Variants in RAD50 observed in about 807,000 individuals in gnomAD.
RAD50 encodes DNA repair protein RAD50.
RAD50 carries 132 observed loss-of-function variants against 168.8 expected under a neutral mutation model. The observed-to-expected ratio is 0.78, with a 90% CI of 0.68 to 0.90. The LOEUF (loss-of-function observed/expected upper bound fraction) is 0.90. RAD50 is among the 40% of genes least tolerant of loss of function. The pLI is 0.00. For synonymous variants in RAD50, 525 were observed against 497.4 expected (o/e 1.06, Z -0.74); for missense variants, 1,347 against 1,534.4 (o/e 0.88, Z 2.04).
In RAD50 at chr5:132,642,421, G is replaced by C; in HGVS notation, c.*57G>C. On this transcript the variant is annotated 3_prime_UTR_variant, in exon 25 of 25. Coordinates refer to ENST00000378823, the MANE Select transcript of RAD50 (RefSeq NM_005732.4). ...TAGGTCCTCAGAAAGTGTATAATAA[G>C]AAACTTATTTCTCATATCAACTTAG... The C allele has an allele frequency of 6.9e-7, 1 of 1,450,744 alleles. No individual in the cohort carries two copies. The highest frequency in any genetic ancestry group is 9.6e-7 in the Non-Finnish European group (1 of 1,043,132). The allele number at this position is 1,450,744 out of a possible 1,614,324, so 89.9% of individuals were successfully genotyped here.
intron 1 of RAD50, among the ~76,000 whole-genome samples, chr5:132,558,570 G>T (rs1750056292): frequency 6.6e-6 from 1 of 152,010 alleles, no homozygotes; most frequent in Admixed American, 6.6e-5. Context: ...AATTAGCCAG[G>T]CGTGGTGGCG....
intron 3 of RAD50, among the ~76,000 whole-genome samples, chr5:132,577,149 C>A (rs950993394): frequency 6.6e-6 from 1 of 152,102 alleles, no homozygotes; most frequent in African/African-American, 2.4e-5. Context: ...GAATATGTTT[C>A]CTTGTTCTTT....
intron 21 of RAD50, among the ~76,000 whole-genome samples, chr5:132,625,793 C>G (rs1751363537): frequency 6.6e-6 from 1 of 152,194 alleles, no homozygotes; most frequent in South Asian, 2.1e-4. Flanking sequence ...CTTTCTGTGC[C>G]TGGCTTATTT....
chr5:132,568,609 G>A (rs967370634), intron 2 of RAD50, among the ~76,000 whole-genome samples: 1 of 152,190 alleles, frequency 6.6e-6, no homozygotes, highest in African/African-American at 2.4e-5. Context: ...AACACATCAT[G>A]CAGAGGGAAA....
chr5:132,562,448 A>G (rs775776518), intron 2 of RAD50, among the ~76,000 whole-genome samples: 2 of 152,184 alleles, frequency 1.3e-5, no homozygotes, highest in Non-Finnish European at 2.9e-5. Context: ...TTGAAGATAG[A>G]ACCAACAAAT....
At position 132,640,720 on chromosome 5, in the gene RAD50, C is replaced by T. The variant is rs1751699912; in HGVS notation, c.3667C>T (p.Leu1223Phe). 1.2e-6 allele frequency: 2 copies of T among 1,614,178 alleles called. No homozygotes were observed. Among genetic ancestry groups the T allele is most frequent in the Non-Finnish European group, 1.7e-6 (2 of 1,180,024 alleles). ...IRLALAETFC[L>F]NCGIIALDEP... is the part of the protein sequence containing the mutation. Reference sequence around the variant, plus strand: ...CCTGGCCCTGGCTGAAACGTTCTGCCTCAACTGTGGCATCATTGCCTTGGA... The same window carrying T: ...CCTGGCCCTGGCTGAAACGTTCTGCTTCAACTGTGGCATCATTGCCTTGGA... The change falls in exon 24 of 25, where the codon CTC becomes TTC. Residue 1223 changes from leucine to phenylalanine, a missense_variant. Physicochemically the swap from Leu to Phe is conservative, Grantham distance 22. Around this residue, in one of 3 missense-constraint regions of RAD50, gnomAD observed 635 missense variants for 739.2 expected, o/e 0.86. Coordinates refer to ENST00000378823, the MANE Select transcript of RAD50 (RefSeq NM_005732.4).
intron 21 of RAD50, among the ~76,000 whole-genome samples, chr5:132,621,420 C>A (rs1751281764): frequency 6.6e-6 from 1 of 152,192 alleles, no homozygotes; most frequent in Non-Finnish European, 1.5e-5. Flanking sequence ...TTTAAATCAT[C>A]ACAAATGAGT....
intron 13 of RAD50, among the ~76,000 whole-genome samples, chr5:132,601,518 A>G (rs910992753): frequency 2.0e-5 from 3 of 152,226 alleles, no homozygotes; most frequent in African/African-American, 4.8e-5. Flanking sequence ...TATTGGGCAC[A>G]TAATTTAAGG....
At chr5:132,601,175 T>C (rs1489015845) in intron 13 of RAD50, among the ~76,000 whole-genome samples, 1 of 152,144 alleles carries the variant, frequency 6.6e-6, no homozygotes, top group Non-Finnish European at 1.5e-5. Context: ...TTTTTGTATT[T>C]TTAGTAGAGA....
chr5:132,589,955 C>A lies in RAD50; in HGVS notation c.1452+118C>A. The A allele has an allele frequency of 3.1e-6, 3 of 969,884 alleles. No individual in the cohort carries two copies. In the East Asian group the frequency reaches 8.0e-5, roughly 26 times the overall value. 60.1% of individuals were successfully genotyped at this position (969,884 alleles called of 1,614,324 possible). A position where few individuals can be genotyped will look rare whatever the true frequency, so the allele number is the denominator to read the frequency against. ...ATAAAAACATCAACTTTGTCTTATT[C>A]TCATGTAAAATGAATTCATCTGAAT... On this transcript the variant is annotated intron_variant, in intron 9 of 24. Coordinates refer to ENST00000378823, the MANE Select transcript of RAD50 (RefSeq NM_005732.4).
intron 19 of RAD50, 69 bp downstream of exon 19, chr5:132,609,465 G>A: frequency 6.3e-7 from 1 of 1,580,150 alleles, no homozygotes; most frequent in East Asian, 2.3e-5. Flanking sequence ...ATTTTCAATA[G>A]AAGATCCATT....
At chr5:132,642,147 C>T (rs1417548179) in intron 24 of RAD50, 31 bp from the exon 25 acceptor site, 1 of 1,601,246 alleles carries the variant, frequency 6.2e-7, no homozygotes, top group African/African-American at 1.3e-5. Flanking sequence ...ATGCTCTTTA[C>T]TAATAATATG....
rs760768068 is a variant in RAD50 at position 132,609,224 on chromosome 5, A to C, written c.2922+15A>C. 3 of 1,607,278 alleles carry C rather than the reference A, an allele frequency of 1.9e-6. No individual in the cohort carries two copies. The highest frequency in any genetic ancestry group is 2.5e-6 in the Non-Finnish European group (3 of 1,176,494). ...ACTATAAGAAGGTAATTTAAAACTT[A>C]AAATTATTTATTTGATTGTATTTTT... On this transcript the variant is annotated intron_variant, in intron 18 of 24. Transcript: ENST00000378823.
intron 21 of RAD50, among the ~76,000 whole-genome samples, chr5:132,619,836 CTATATA>C (rs1220250912): frequency 8.7e-6 from 1 of 114,410 alleles, no homozygotes; most frequent in African/African-American, 3.9e-5. Flanking sequence ...CTCTCTCTCT[CTATATA>C]TATATATATA....
intron 21 of RAD50, among the ~76,000 whole-genome samples, chr5:132,619,312 T>G (rs570203079): frequency 6.6e-6 from 1 of 152,358 alleles, no homozygotes; most frequent in East Asian, 1.9e-4. Flanking sequence ...ATTTGATGGA[T>G]CCTCTGACAT....
At chr5:132,607,463 C>G (rs1171637601) in intron 16 of RAD50, among the ~76,000 whole-genome samples, 1 of 152,144 alleles carries the variant, frequency 6.6e-6, no homozygotes, top group African/African-American at 2.4e-5. Context: ...TATAAACAAT[C>G]TTACCTAGGT....
intron 2 of RAD50, among the ~76,000 whole-genome samples, chr5:132,570,280 A>G (rs1750279601): frequency 6.6e-6 from 1 of 152,180 alleles, no homozygotes. Flanking sequence ...GGGGGGGGAA[A>G]TGGAGAAAGA....
intron 13 of RAD50, among the ~76,000 whole-genome samples, chr5:132,600,974 G>T (rs971248758): frequency 6.6e-6 from 1 of 151,920 alleles, no homozygotes; most frequent in South Asian, 2.1e-4. Flanking sequence ...CTTGTGAATC[G>T]TGAGAAAAAT....
chr5:132,618,733 T>C (rs774174624), intron 21 of RAD50, among the ~76,000 whole-genome samples: 2 of 152,142 alleles, frequency 1.3e-5, no homozygotes, highest in Non-Finnish European at 2.9e-5. Context: ...TTGGAAAATA[T>C]ATGTATGTAT....
Sources: allele counts gnomAD v4.1 joint callset (sites outside exome capture counted in the v4.1 genomes callset), GRCh38; gene constraint gnomAD v4.1.1; regional missense constraint gnomAD v4.1.1; transcripts MANE v1.5; gene names NCBI Gene and HGNC (gene_info 2026-07-23, HGNC 2026-07-21).